Variants in BBX observed in about 807,000 individuals in gnomAD.
BBX encodes the protein BBX high mobility group box domain containing, also known as HMG box transcription factor BBX.
A neutral mutation model predicts 100.2 loss-of-function variants in BBX; 30 were observed. The ratio of observed to expected loss-of-function variants is 0.30; its 90% CI spans 0.22 to 0.41. The LOEUF (loss-of-function observed/expected upper bound fraction) is 0.41. Ranked by LOEUF, BBX falls within the 10% of genes least tolerant of loss-of-function variation. BBX has a pLI of 1.00. For synonymous variants in BBX, 376 were observed against 388.1 expected, an observed-to-expected ratio of 0.97 and a Z score of 0.37; for missense variants, 1,023 against 1,129.8, an observed-to-expected ratio of 0.91 and a Z score of 1.35.
intron 2 of BBX, among the ~76,000 whole-genome samples, chr3:107,553,982 T>TTACC (rs2049894516): frequency 1.3e-5 from 2 of 152,208 alleles, no homozygotes; most frequent in Admixed American, 6.5e-5. Context: ...AAGCAGTTAA[T>TTACC]TACCCTATTT....
intron 7 of BBX, among the ~76,000 whole-genome samples, chr3:107,741,358 C>T (rs1372458106): frequency 6.6e-6 from 1 of 152,120 alleles, no homozygotes; most frequent in African/African-American, 2.4e-5. Context: ...CTTAATTATA[C>T]TAATCACTCC....
At chr3:107,733,834 T>C (rs1040320527) in intron 7 of BBX, among the ~76,000 whole-genome samples, 1 of 152,174 alleles carries the variant, frequency 6.6e-6, no homozygotes, top group Non-Finnish European at 1.5e-5. Flanking sequence ...ATCTAGTTAT[T>C]GGACTGCTTT....
At chr3:107,716,889 A>T (rs769507273) in intron 5 of BBX, 40 bp downstream of exon 5, 3 of 1,600,950 alleles carry the variant, frequency 1.9e-6, no homozygotes, top group Admixed American at 3.4e-5. Flanking sequence ...GCTAAAAGCA[A>T]CCAGTCCTGA....
chr3:107,577,854 T>C (rs2051918448), intron 2 of BBX, among the ~76,000 whole-genome samples: 1 of 152,182 alleles, frequency 6.6e-6, no homozygotes, highest in East Asian at 1.9e-4. Context: ...CTCACCAAGA[T>C]GACGAGCCTG....
intron 13 of BBX, among the ~76,000 whole-genome samples, chr3:107,781,970 T>G (rs1257017210): frequency 6.6e-6 from 1 of 152,160 alleles, no homozygotes; most frequent in Non-Finnish European, 1.5e-5. Context: ...AATAGTACTT[T>G]CAGTCTTACA....
intron 2 of BBX, among the ~76,000 whole-genome samples, chr3:107,538,998 C>G (rs1273815540): frequency 6.6e-6 from 1 of 152,050 alleles, no homozygotes; most frequent in Non-Finnish European, 1.5e-5. Context: ...CCATGTTGCT[C>G]AGGCTGGTCT....
intron 16 of BBX, 70 bp downstream of exon 16, chr3:107,798,790 A>AT: frequency 1.4e-6 from 2 of 1,386,696 alleles, no homozygotes; most frequent in South Asian, 2.4e-5. Context: ...TGGAAGAAGA[A>AT]TTGTCTTGAG....
intron 3 of BBX, among the ~76,000 whole-genome samples, chr3:107,709,421 AC>A (rs1326478944): frequency 6.6e-6 from 1 of 152,220 alleles, no homozygotes; most frequent in Non-Finnish European, 1.5e-5. Flanking sequence ...GTTTAATGGT[AC>A]CACTTCTCAA....
chr3:107,539,415 A>T lies in BBX; in HGVS notation c.-84+13017A>T, dbSNP rs1463063644. Among the ~76,000 whole-genome samples, 3 of 152,176 alleles carry T rather than the reference A, an allele frequency of 2.0e-5. No homozygotes were observed. In the East Asian group the frequency reaches 5.8e-4, roughly 29 times the overall value. Reference sequence around the variant, plus strand: ...GGGTGATTAGGGAGGGAAAATTGGGATGGAATTGAACTTCAAGCTTTGGTT... The same window carrying T: ...GGGTGATTAGGGAGGGAAAATTGGGTTGGAATTGAACTTCAAGCTTTGGTT... On this transcript the variant is annotated intron_variant, in intron 2 of 17. Transcript: ENST00000325805.
At chr3:107,798,474 G>T (rs1420107729) in intron 15 of BBX, 49 bp from the exon 16 acceptor site, 6 of 1,548,128 alleles carry the variant, frequency 3.9e-6, no homozygotes, top group East Asian at 2.2e-5. Context: ...GAGCAATTTT[G>T]GTGCCTTCTG....
chr3:107,721,810 G>T (rs1203562200), intron 5 of BBX, among the ~76,000 whole-genome samples: 2 of 151,730 alleles, frequency 1.3e-5, no homozygotes, highest in East Asian at 1.9e-4. Context: ...CTGTAAAATG[G>T]CAATTAAGAT....
chr3:107,804,871 A>G (rs920709629), intron 17 of BBX, among the ~76,000 whole-genome samples: 1 of 143,938 alleles, frequency 6.9e-6, no homozygotes, highest in Non-Finnish European at 1.5e-5. Flanking sequence ...CATTGCTTTT[A>G]TTATCACTAA....
At chr3:107,726,565 T>C (rs73850138) in intron 5 of BBX, among the ~76,000 whole-genome samples, 2,620 of 152,082 alleles carry the variant, frequency 0.017, 74 homozygotes, top group African/African-American at 0.06. Context: ...ACCCTCATAG[T>C]AAATTCTGTT....
At chr3:107,767,871 A>G (rs1335055637) in intron 10 of BBX, among the ~76,000 whole-genome samples, 2 of 152,066 alleles carry the variant, frequency 1.3e-5, no homozygotes, top group Non-Finnish European at 1.5e-5. Flanking sequence ...AGACACTGAC[A>G]GGAGACTGGG....
chr3:107,809,785 G>A lies in BBX; in HGVS notation c.*4328G>A, dbSNP rs908403288. ...GCTTTCCCAAATAGCTCCTTATTTTGCACCTTATAAAAAGTATACTAATTG... is the reference window on the plus strand; with the variant it reads ...GCTTTCCCAAATAGCTCCTTATTTTACACCTTATAAAAAGTATACTAATTG... On this transcript the variant is annotated 3_prime_UTR_variant, in exon 18 of 18. Transcript: ENST00000325805. 1 of 152,108 alleles carries A rather than the reference G, an allele frequency of 6.6e-6. No homozygotes were observed. The highest frequency in any genetic ancestry group is 1.5e-5 in the Non-Finnish European group (1 of 68,004). The allele number at this position is 152,108 out of a possible 1,614,324, so 9.4% of individuals were successfully genotyped here. A position where few individuals can be genotyped will look rare whatever the true frequency, so the allele number is the denominator to read the frequency against.
At chr3:107,600,626 A>G (rs1301016895) in intron 2 of BBX, among the ~76,000 whole-genome samples, 16 of 152,232 alleles carry the variant, frequency 1.1e-4, no homozygotes, top group Admixed American at 9.2e-4. Context: ...ACTGGCTGTT[A>G]TAACCCAAGC....
At chr3:107,558,789 G>A (rs1408113916) in intron 2 of BBX, among the ~76,000 whole-genome samples, 2 of 152,124 alleles carry the variant, frequency 1.3e-5, no homozygotes, top group Non-Finnish European at 2.9e-5. Context: ...GCCTAGCACC[G>A]GAGTCCATCT....
chr3:107,604,100 C>T (rs571412179), intron 2 of BBX, among the ~76,000 whole-genome samples: 2 of 152,150 alleles, frequency 1.3e-5, no homozygotes, highest in South Asian at 2.1e-4. Flanking sequence ...TCCCATTGCC[C>T]GGGCCTTTCC....
At chr3:107,764,212 G>A (rs978851993) in intron 10 of BBX, among the ~76,000 whole-genome samples, 17 of 152,088 alleles carry the variant, frequency 1.1e-4, no homozygotes, top group South Asian at 1.0e-3. Context: ...GGCTGGTCTC[G>A]AACTCCTGAC....
Sources: allele counts gnomAD v4.1 joint callset (sites outside exome capture counted in the v4.1 genomes callset), GRCh38; gene constraint gnomAD v4.1.1; transcripts MANE v1.5; gene names NCBI Gene and HGNC (gene_info 2026-07-23, HGNC 2026-07-21).